FMN2: variants seen among roughly 807,000 people sequenced by gnomAD.
FMN2 encodes the protein formin-2.
Under a neutral mutation model 142.3 loss-of-function variants are expected in FMN2, and 51 were observed. The ratio of observed to expected loss-of-function variants is 0.36; its 90% confidence interval spans 0.29 to 0.45. FMN2 has a LOEUF of 0.45. FMN2 is among the 20% of genes least tolerant of loss of function. The probability of loss-of-function intolerance (pLI) is 1.00; values close to 1 mark genes in which losing one functional copy is unlikely to be tolerated. For synonymous variants in FMN2, 882 were observed against 869.8 expected, an observed-to-expected ratio of 1.01 and a Z score of -0.25; for missense variants, 1,936 against 2,122.8, an observed-to-expected ratio of 0.91 and a Z score of 1.73.
rs1304175160 is a variant in FMN2, at chr1:240,290,790, TTTG to T, written c.4154-4029_4154-4027del. Among the ~76,000 whole-genome samples, 117 of 114,154 alleles carry T rather than the reference TTTG, an allele frequency of 1.0e-3. 14 individuals are homozygous for T. The highest frequency in any genetic ancestry group is 2.9e-3 in the African/African-American group (78 of 27,320). 74.9% of individuals were successfully genotyped at this position (114,154 alleles called of 152,430 possible). A position where few individuals can be genotyped will look rare whatever the true frequency, so the allele number is the denominator to read the frequency against. On this transcript the variant is annotated intron_variant, in intron 7 of 17. Coordinates refer to ENST00000319653, the MANE Select transcript of FMN2 (RefSeq NM_020066.5). ...ATGTCTGTTTGTTTGGTTTTTTTTT[TTTG>T]TTTTTTTTTTTTTTTGAGACAGAGT...
intron 16 of FMN2, among the ~76,000 whole-genome samples, chr1:240,443,004 A>T (rs1675679711): frequency 6.6e-6 from 1 of 152,224 alleles, no homozygotes; most frequent in South Asian, 2.1e-4. Context: ...ATAGCACAGT[A>T]TCTACCTTCT....
intron 14 of FMN2, among the ~76,000 whole-genome samples, chr1:240,366,129 A>G (rs1428025012): frequency 1.3e-5 from 2 of 152,174 alleles, no homozygotes; most frequent in Non-Finnish European, 2.9e-5. Flanking sequence ...CTATATGCAT[A>G]TCTTATAACC....
chr1:240,465,773 T>C (rs1676600357), intron 16 of FMN2, among the ~76,000 whole-genome samples: 1 of 152,236 alleles, frequency 6.6e-6, no homozygotes, highest in Admixed American at 6.5e-5. Context: ...CATGTCTGTT[T>C]CCCTGATAAG....
At chr1:240,392,696 T>A in intron 15 of FMN2, 134 bp downstream of exon 15, 1 of 642,594 alleles carries the variant, frequency 1.6e-6, no homozygotes, top group Non-Finnish European at 2.6e-6. Flanking sequence ...AATGGTGTGC[T>A]CTAAATCTAC....
chr1:240,238,470 C>T (rs1303210101), intron 6 of FMN2, among the ~76,000 whole-genome samples: 1 of 152,084 alleles, frequency 6.6e-6, no homozygotes, highest in African/African-American at 2.4e-5. Flanking sequence ...TATTAGAAAC[C>T]ACTGACACAT....
chr1:240,268,893 A>T (rs1668900546), intron 7 of FMN2, among the ~76,000 whole-genome samples: 1 of 151,786 alleles, frequency 6.6e-6, no homozygotes, highest in African/African-American at 2.4e-5. Flanking sequence ...CAATAGGGTT[A>T]TTTGCCTTTC....
chr1:240,411,001 G>T (rs1674367634), intron 15 of FMN2, among the ~76,000 whole-genome samples: 1 of 151,960 alleles, frequency 6.6e-6, no homozygotes, highest in African/African-American at 2.4e-5. Flanking sequence ...ATCAATTAAG[G>T]CATTTTCTGT....
At chr1:240,161,969 A>G (rs1355076715) in intron 2 of FMN2, among the ~76,000 whole-genome samples, 1 of 152,090 alleles carries the variant, frequency 6.6e-6, no homozygotes, top group Non-Finnish European at 1.5e-5. Flanking sequence ...AATTTGGAGT[A>G]TATTGAAAGT....
intron 7 of FMN2, among the ~76,000 whole-genome samples, chr1:240,278,941 G>T (rs1282343743): frequency 2.0e-5 from 3 of 152,142 alleles, no homozygotes; most frequent in African/African-American, 7.2e-5. Flanking sequence ...TATGGAGAAA[G>T]TTCCTAAATT....
In FMN2 at chr1:240,441,517, C is replaced by G. The variant is rs185713451; in HGVS notation, c.5060+3307C>G. Among the ~76,000 whole-genome samples, 81 of 151,826 alleles carry G rather than the reference C, an allele frequency of 5.3e-4. 1 individual carries two copies. The highest frequency in any genetic ancestry group is 1.0e-3 in the Non-Finnish European group (70 of 67,980). On this transcript the variant is annotated intron_variant, in intron 16 of 17. Coordinates refer to ENST00000319653, the MANE Select transcript of FMN2 (RefSeq NM_020066.5). Reference sequence around the variant, plus strand: ...CACCTCTGTACTCCTATCCTATTTACTATCAACCTATTTTCTTCAATGGCT... The same window carrying G: ...CACCTCTGTACTCCTATCCTATTTAGTATCAACCTATTTTCTTCAATGGCT...
intron 14 of FMN2, among the ~76,000 whole-genome samples, chr1:240,382,271 A>G (rs1483481217): frequency 6.6e-6 from 1 of 152,250 alleles, no homozygotes; most frequent in Non-Finnish European, 1.5e-5. Context: ...TTAACTAAGG[A>G]AGTAAAAGAT....
At chr1:240,215,070 G>GA (rs994715029) in intron 6 of FMN2, among the ~76,000 whole-genome samples, 4 of 150,888 alleles carry the variant, frequency 2.7e-5, no homozygotes, top group Admixed American at 6.6e-5. Flanking sequence ...CTCTCTCAGG[G>GA]AAAAAAAAAT....
chr1:240,332,226 A>G (rs1671402244), intron 11 of FMN2, among the ~76,000 whole-genome samples: 1 of 151,726 alleles, frequency 6.6e-6, no homozygotes, highest in Non-Finnish European at 1.5e-5. Context: ...ATTTTCATAG[A>G]AGTATCTACT....
At chr1:240,369,240 A>G (rs1393246277) in intron 14 of FMN2, among the ~76,000 whole-genome samples, 1 of 152,134 alleles carries the variant, frequency 6.6e-6, no homozygotes, top group Non-Finnish European at 1.5e-5. Context: ...AGATCAAGCA[A>G]TATTTTTCTG....
At chr1:240,294,162 AAATAC>A (rs1429670595) in intron 7 of FMN2, among the ~76,000 whole-genome samples, 6 of 152,160 alleles carry the variant, frequency 3.9e-5, no homozygotes, top group Admixed American at 2.0e-4. Flanking sequence ...ACCTACTCCA[AAATAC>A]AATACAAATT....
At chr1:240,287,892 G>A (rs1669644520) in intron 7 of FMN2, among the ~76,000 whole-genome samples, 1 of 152,172 alleles carries the variant, frequency 6.6e-6, no homozygotes, top group Non-Finnish European at 1.5e-5. Context: ...ATAATAAGTT[G>A]TGTGGTCACT....
intron 2 of FMN2, among the ~76,000 whole-genome samples, chr1:240,127,926 G>A (rs369857773): frequency 6.6e-6 from 1 of 152,136 alleles, no homozygotes; most frequent in Admixed American, 6.5e-5. Context: ...CAGTTAGTAG[G>A]TTGGGGTGGA....
intron 6 of FMN2, among the ~76,000 whole-genome samples, chr1:240,236,664 A>C (rs1667723458): frequency 6.6e-6 from 1 of 152,154 alleles, no homozygotes; most frequent in Non-Finnish European, 1.5e-5. Flanking sequence ...AGCAAGAGAA[A>C]GAGGAGGAAG....
intron 6 of FMN2, among the ~76,000 whole-genome samples, chr1:240,227,428 A>T (rs1323559912): frequency 1.3e-5 from 2 of 151,318 alleles, no homozygotes; most frequent in African/African-American, 2.4e-5. Context: ...CTCCAAACTC[A>T]TTTTTTTTTA....
Sources: gnomAD v4.1 joint callset for allele counts (sites outside exome capture counted in the v4.1 genomes callset) on GRCh38, gnomAD v4.1.1 for gene constraint, MANE v1.5 for transcripts, NCBI Gene and HGNC (gene_info 2026-07-23, HGNC 2026-07-21) for gene names.